The following BCHE variants were observed in gnomAD, a reference collection of about 807,000 sequenced individuals.
BCHE encodes cholinesterase.
In BCHE, 48 loss-of-function variants were observed where a neutral mutation model predicts 51.3. The observed-to-expected ratio is 0.94, with a 90% confidence interval of 0.74 to 1.19. BCHE has a LOEUF of 1.19. BCHE is among the 50% of genes most tolerant of loss of function. The probability of loss-of-function intolerance (pLI) is 0.00; values close to 1 mark genes in which losing one functional copy is unlikely to be tolerated. For missense variants in BCHE, 847 were observed against 708.2 expected (o/e 1.20, Z -2.23); for synonymous variants, 251 against 238.0 (o/e 1.05, Z -0.50).
chr3:165,803,935 C>T (rs1003658630), intron 2 of BCHE, among the ~76,000 whole-genome samples: 11 of 151,992 alleles, frequency 7.2e-5, no homozygotes, highest in African/African-American at 2.4e-4. Context: ...TGACTGATAT[C>T]ACCCATGGAA....
chr3:165,821,313 T>C (rs189577235), intron 2 of BCHE, among the ~76,000 whole-genome samples: 25 of 151,970 alleles, frequency 1.6e-4, no homozygotes, highest in African/African-American at 6.0e-4. Flanking sequence ...ATAATAAGTA[T>C]AAATATATGC....
At chr3:165,804,432 A>T (rs937263248) in intron 2 of BCHE, among the ~76,000 whole-genome samples, 4 of 152,180 alleles carry the variant, frequency 2.6e-5, no homozygotes, top group Non-Finnish European at 4.4e-5. Flanking sequence ...ATGATTTTTT[A>T]AAAAAAGAAG....
chr3:165,820,694 T>C (rs1041763760), intron 2 of BCHE, among the ~76,000 whole-genome samples: 1 of 152,114 alleles, frequency 6.6e-6, no homozygotes, highest in South Asian at 2.1e-4. Context: ...AATCTAATTA[T>C]AAGTCTGATA....
intron 2 of BCHE, among the ~76,000 whole-genome samples, chr3:165,810,074 A>G (rs532917068): frequency 1.8e-4 from 27 of 152,308 alleles, no homozygotes; most frequent in African/African-American, 5.8e-4. Flanking sequence ...TTACTAAGTG[A>G]CAGACAGATT....
At chr3:165,800,408 C>T (rs1576849851) in intron 2 of BCHE, among the ~76,000 whole-genome samples, 1 of 151,942 alleles carries the variant, frequency 6.6e-6, no homozygotes, top group Non-Finnish European at 1.5e-5. Context: ...GGCCCCAGGG[C>T]TATTTTTATT....
chr3:165,773,176 TGAAA>T lies in BCHE; in HGVS notation c.*202_*205del. 1.0e-5 allele frequency: 5 copies of T among 484,442 alleles called. No homozygotes were observed. Among genetic ancestry groups the T allele is most frequent in the Non-Finnish European group, 1.1e-5 (3 of 273,994 alleles). The allele number at this position is 484,442 out of a possible 1,614,324, so 30.0% of individuals were successfully genotyped here. A position where few individuals can be genotyped will look rare whatever the true frequency, so the allele number is the denominator to read the frequency against. ...TAATTAACTGTAGAACTTTATATTG[TGAAA>T]TTTAATTAAACACGTTCTAGCCATT... On this transcript the variant is annotated 3_prime_UTR_variant, in exon 4 of 4. Coordinates refer to ENST00000264381, the MANE Select transcript of BCHE (RefSeq NM_000055.4).
intron 3 of BCHE, among the ~76,000 whole-genome samples, chr3:165,783,139 G>T (rs1297323881): frequency 6.6e-6 from 1 of 152,062 alleles, no homozygotes; most frequent in Non-Finnish European, 1.5e-5. Flanking sequence ...ATGTATTTGA[G>T]TGTTCACTGA....
At chr3:165,804,431 TA>T (rs1279547240) in intron 2 of BCHE, among the ~76,000 whole-genome samples, 1 of 152,054 alleles carries the variant, frequency 6.6e-6, no homozygotes, top group East Asian at 1.9e-4. Flanking sequence ...GATGATTTTT[TA>T]AAAAAAGAAG....
intron 2 of BCHE, among the ~76,000 whole-genome samples, chr3:165,801,532 G>A (rs537262902): frequency 2.6e-5 from 4 of 152,076 alleles, no homozygotes; most frequent in Non-Finnish European, 5.9e-5. Flanking sequence ...ATGGAACAAA[G>A]CATATAATAT....
chr3:165,799,375 C>T (rs903882200), intron 2 of BCHE, among the ~76,000 whole-genome samples: 1 of 152,038 alleles, frequency 6.6e-6, no homozygotes, highest in African/African-American at 2.4e-5. Flanking sequence ...GGTGTTGAAC[C>T]TAGTATCATT....
In BCHE at chr3:165,773,427, T is replaced by C; in HGVS notation, c.1764A>G (p.Gln588=). The C allele has an allele frequency of 6.2e-7, 1 of 1,610,972 alleles. No individual in the cohort carries two copies. Among genetic ancestry groups the C allele is most frequent in the Non-Finnish European group, 8.5e-7 (1 of 1,177,600 alleles). The part of the protein sequence containing the change: ...WNNYMMDWKN[Q]FNDYTSKKES... ...CTTTCTTGCTAGTGTAATCGTTAAA[T>C]TGATTTTTCCAGTCCATCATGTAAT... The change falls in exon 4 of 4, where the codon CAA becomes CAG. Residue 588 remains glutamine (Q), a synonymous_variant. Coordinates refer to ENST00000264381, the MANE Select transcript of BCHE (RefSeq NM_000055.4).
intron 2 of BCHE, among the ~76,000 whole-genome samples, chr3:165,820,202 T>TG (rs34049446): frequency 0.65 from 98,052 of 151,870 alleles, 34,012 homozygotes; most frequent in East Asian, 0.78. Flanking sequence ...TTTGCCCCTT[T>TG]GGGGGACATC....
At chr3:165,793,108 A>C (rs1380497813) in intron 2 of BCHE, among the ~76,000 whole-genome samples, 2 of 152,110 alleles carry the variant, frequency 1.3e-5, no homozygotes, top group East Asian at 3.9e-4. Context: ...TGCCTACATC[A>C]ATGTTCTAAA....
intron 2 of BCHE, among the ~76,000 whole-genome samples, chr3:165,826,924 G>C (rs1477850793): frequency 6.6e-6 from 1 of 152,046 alleles, no homozygotes; most frequent in Non-Finnish European, 1.5e-5. Flanking sequence ...TTACCTTGCT[G>C]GTATCATCTG....
chr3:165,806,002 T>C (rs1454143062), intron 2 of BCHE, among the ~76,000 whole-genome samples: 1 of 152,144 alleles, frequency 6.6e-6, no homozygotes, highest in Non-Finnish European at 1.5e-5. Flanking sequence ...CCATTTGTAT[T>C]GCTGCCCTGG....
chr3:165,830,736 T>C lies in BCHE; in HGVS notation c.298A>G (p.Ser100Gly). ...TCTGATCCATGGAAGCCTGGAAAAC[T>C]TTGATCTATGTTCTGACAGCAAGAA... is the stretch of plus-strand genomic sequence containing the variant. ...ANSCCQNIDQ[S>G]FPGFHGSEMW... is the part of the protein sequence containing the mutation. Residue 100 changes from serine to glycine, a missense_variant, in exon 2 of 4, where the codon AGT becomes GGT. Transcript: ENST00000264381. 1 of 1,613,998 alleles carries C rather than the reference T, an allele frequency of 6.2e-7. No individual in the cohort carries two copies. Among genetic ancestry groups the C allele is most frequent in the Non-Finnish European group, 8.5e-7 (1 of 1,179,944 alleles).
rs1714029868 is a variant in BCHE, at chr3:165,809,948, C to T, written c.1517+19569G>A. Among the ~76,000 whole-genome samples the T allele has an allele frequency of 2.6e-5, 4 of 152,226 alleles. No homozygotes were observed. The South Asian group carries it at 8.3e-4, about 32-fold the overall frequency. ...ATGGGAAAATGCTCCTATTTCCACTCTTTCGTTAGTATTTTACAGGGGTCA... is the reference window on the plus strand; with the variant it reads ...ATGGGAAAATGCTCCTATTTCCACTTTTTCGTTAGTATTTTACAGGGGTCA... On this transcript the variant is annotated intron_variant, in intron 2 of 3. Transcript: ENST00000264381.
At position 165,830,434 on chromosome 3, in the gene BCHE, C is replaced by G; in HGVS notation, c.600G>C (p.Gln200His). 6.2e-7 allele frequency: 1 copy of G among 1,613,796 alleles called. No homozygotes were observed. Residue 200 changes from glutamine (Q) to histidine (H), a missense_variant, in exon 2 of 4, where the codon CAG becomes CAC. By Grantham distance (24) the Gln-to-His change is conservative. Coordinates refer to ENST00000264381, the MANE Select transcript of BCHE (RefSeq NM_000055.4). Reference sequence around the variant, plus strand: ...TTTTTTGAACCCACTGAAGAGCCAACTGTTGATCAAATAAACCCATGTTCC... The same window carrying G: ...TTTTTTGAACCCACTGAAGAGCCAAGTGTTGATCAAATAAACCCATGTTCC... ...APGNMGLFDQQLALQWVQKNI... is the reference protein window; with the variant it reads ...APGNMGLFDQHLALQWVQKNI...
intron 2 of BCHE, among the ~76,000 whole-genome samples, chr3:165,813,093 C>T (rs1714168508): frequency 6.6e-6 from 1 of 151,318 alleles, no homozygotes; most frequent in South Asian, 2.1e-4. Flanking sequence ...ACTTTTTTAC[C>T]AGAAAAAATA....
Sources: allele counts gnomAD v4.1 joint callset (sites outside exome capture counted in the v4.1 genomes callset), GRCh38; gene constraint gnomAD v4.1.1; transcripts MANE v1.5; gene names NCBI Gene and HGNC (gene_info 2026-07-23, HGNC 2026-07-21).